BCAS3: variants seen among roughly 807,000 people sequenced by gnomAD.
BCAS3 encodes the protein BCAS3 microtubule associated cell migration factor, also known as BCAS4/BCAS3 fusion.
BCAS3 carries 53 observed loss-of-function variants against 116.1 expected under a neutral mutation model. That is an observed-to-expected ratio of 0.46 (90% CI 0.37 to 0.57). The LOEUF (loss-of-function observed/expected upper bound fraction) is 0.57, where lower values mean the gene tolerates loss of function less well. Ranked by LOEUF, BCAS3 falls within the 20% of genes least tolerant of loss-of-function variation. The pLI is 0.00. For missense variants in BCAS3, 917 were observed against 1,165.4 expected (o/e 0.79, Z 3.10); for synonymous variants, 391 against 408.2 (o/e 0.96, Z 0.51).
chr17:61,078,389 C>G lies in BCAS3; in HGVS notation c.2187C>G (p.Phe729Leu). ...GACGTCTGTGGATGGGTCCACAGTT[C>G]CAGTTCAAAACCATCCATCCCTCAG... ...PHRRLWMGPQFQFKTIHPSGQ... is the reference protein window; with the variant it reads ...PHRRLWMGPQLQFKTIHPSGQ... Residue 729 changes from phenylalanine to leucine, a missense_variant, in exon 21 of 24, where the codon TTC (phenylalanine) becomes TTG (leucine). By Grantham distance (22) the Phe-to-Leu change is conservative (BLOSUM62 0). Coordinates refer to ENST00000407086, the MANE Select transcript of BCAS3 (RefSeq NM_017679.5). 1.9e-6 allele frequency: 3 copies of G among 1,614,112 alleles called. No individual in the cohort carries two copies. The highest frequency in any genetic ancestry group is 2.2e-5 in the East Asian group (1 of 44,870).
intron 4 of BCAS3, among the ~76,000 whole-genome samples, chr17:60,708,647 C>T (rs765567866): frequency 6.6e-6 from 1 of 152,120 alleles, no homozygotes; most frequent in Non-Finnish European, 1.5e-5. Context: ...TCTTGTGCCT[C>T]AGCCTCCCCA....
At chr17:60,902,302 C>T (rs1846313160) in intron 10 of BCAS3, among the ~76,000 whole-genome samples, 2 of 152,090 alleles carry the variant, frequency 1.3e-5, no homozygotes, top group Admixed American at 1.3e-4. Context: ...CCTTTGATTA[C>T]GTTTTTAAAA....
rs1415743914 is a variant in BCAS3 at position 61,117,527 on chromosome 17, T to G, written c.2425+32963T>G. ...AGGAGAATTGCTTGAGCCCAGAGTT[T>G]GAGGCTGTAGTGAGCTATGATCACA... On this transcript the variant is annotated intron_variant, in intron 22 of 23. Transcript: ENST00000407086. Among the ~76,000 whole-genome samples the G allele has an allele frequency of 2.6e-5, 4 of 152,244 alleles. No homozygotes were observed. The East Asian group carries it at 7.7e-4, about 29-fold the overall frequency.
intron 21 of BCAS3, among the ~76,000 whole-genome samples, chr17:61,080,459 A>C (rs755162264): frequency 2.0e-5 from 3 of 151,948 alleles, no homozygotes; most frequent in African/African-American, 4.8e-5. Context: ...TTAAAGAATG[A>C]TTCAGCCAGG....
At chr17:60,958,361 T>A (rs1443142714) in intron 14 of BCAS3, among the ~76,000 whole-genome samples, 1 of 152,200 alleles carries the variant, frequency 6.6e-6, no homozygotes, top group Non-Finnish European at 1.5e-5. Flanking sequence ...ATTTTATTTT[T>A]AAAAAACTAA....
chr17:60,788,784 T>C (rs1233634548), intron 6 of BCAS3, among the ~76,000 whole-genome samples: 1 of 152,194 alleles, frequency 6.6e-6, no homozygotes, highest in African/African-American at 2.4e-5. Context: ...ATTATTCAAT[T>C]CATAATGATT....
chr17:61,128,940 G>C lies in BCAS3; in HGVS notation c.2425+44376G>C, dbSNP rs1478580179. 6.6e-6 allele frequency among the ~76,000 whole-genome samples: 1 copy of C among 152,210 alleles called. No homozygotes were observed. The highest frequency in any genetic ancestry group is 6.5e-5 in the Admixed American group (1 of 15,284). ...CCGGATGTCAGGCCTAAGGTGGAGA[G>C]GGGGACAGGGCTATATTGAGTTCTC... On this transcript the variant is annotated intron_variant, in intron 22 of 23. Transcript: ENST00000407086. This position sits in a 1 kb window ranked among gnomAD's most constrained non-coding sequence, Gnocchi z 4.1.
At chr17:61,047,471 A>T (rs1228230610) in intron 19 of BCAS3, among the ~76,000 whole-genome samples, 1 of 152,082 alleles carries the variant, frequency 6.6e-6, no homozygotes, top group Non-Finnish European at 1.5e-5. Context: ...AAAGTCAAGA[A>T]TTTATAATCC....
intron 12 of BCAS3, among the ~76,000 whole-genome samples, chr17:60,911,123 C>CTT (rs1162942971): frequency 1.1e-4 from 10 of 88,254 alleles, no homozygotes; most frequent in Admixed American, 1.8e-4. Flanking sequence ...TTTTTTCTTT[C>CTT]TTTTTTTTTT....
At chr17:60,726,510 A>ATTT (rs1157371227) in intron 5 of BCAS3, among the ~76,000 whole-genome samples, 1 of 129,640 alleles carries the variant, frequency 7.7e-6, no homozygotes, top group African/African-American at 2.9e-5. Context: ...AGAGGGAGGA[A>ATTT]TTTTTTTTTT....
rs2145504712 is a variant in BCAS3, at chr17:61,008,716, A to T, written c.1487-7035A>T. ...AAAATAAAAAATAAAAAAATAAAAA[A>T]AAAGGCCCCGTAGAACTCATCATCT... is the stretch of plus-strand genomic sequence containing the variant. On this transcript the variant is annotated intron_variant, in intron 15 of 23. Coordinates refer to ENST00000407086, the MANE Select transcript of BCAS3 (RefSeq NM_017679.5). The surrounding 1 kb of genome is among the most constrained non-coding windows in gnomAD (Gnocchi z 4.6). 6.6e-6 allele frequency among the ~76,000 whole-genome samples: 1 copy of T among 152,212 alleles called. No homozygotes were observed. Among genetic ancestry groups the T allele is most frequent in the South Asian group, 2.1e-4 (1 of 4,830 alleles).
Position 61,343,448 on chromosome 17 carries a change from C to T in BCAS3, c.2426-24879C>T, listed in dbSNP as rs927235936. Among the ~76,000 whole-genome samples, 1 of 152,210 alleles carries T rather than the reference C, an allele frequency of 6.6e-6. No individual in the cohort carries two copies. The highest frequency in any genetic ancestry group is 2.4e-5 in the African/African-American group (1 of 41,442). On this transcript the variant is annotated intron_variant, in intron 22 of 23. Transcript: ENST00000407086. This position sits in a 1 kb window ranked among gnomAD's most constrained non-coding sequence, Gnocchi z 5.5. The stretch of plus-strand genomic sequence containing the variant: ...AGCAACAGGGAGTGCATCAGAATCA[C>T]CTGATGAGCTTTTTAAAGATACAGA...
In BCAS3 at chr17:60,960,579, C is replaced by T. The variant is rs187899410; in HGVS notation, c.1221+13227C>T. 4.2e-3 allele frequency among the ~76,000 whole-genome samples: 637 copies of T among 152,250 alleles called. 4 individuals are homozygous for T. The highest frequency in any genetic ancestry group is 0.014 in the African/African-American group (589 of 41,536). ...CTTGAGGCACTGCCCTCCTGGACTGCGGCTTCATTTTCTGGGCCTGTGGCT... is the reference window on the plus strand; with the variant it reads ...CTTGAGGCACTGCCCTCCTGGACTGTGGCTTCATTTTCTGGGCCTGTGGCT... On this transcript the variant is annotated intron_variant, in intron 14 of 23. Transcript: ENST00000407086. The surrounding 1 kb of genome is among the most constrained non-coding windows in gnomAD (Gnocchi z 4.1).
intron 8 of BCAS3, among the ~76,000 whole-genome samples, chr17:60,870,593 C>A (rs900262290): frequency 6.6e-6 from 1 of 152,176 alleles, no homozygotes; most frequent in Non-Finnish European, 1.5e-5. Context: ...ACTCAGAACA[C>A]TTATCGCTCC....
At chr17:60,912,318 G>C (rs944793521) in intron 12 of BCAS3, among the ~76,000 whole-genome samples, 2 of 152,028 alleles carry the variant, frequency 1.3e-5, no homozygotes, top group African/African-American at 2.4e-5. Context: ...AACTATGTGA[G>C]CTGTTAAGGT....
chr17:60,830,459 T>C (rs1198726097), intron 7 of BCAS3, among the ~76,000 whole-genome samples: 1 of 152,208 alleles, frequency 6.6e-6, no homozygotes, highest in Non-Finnish European at 1.5e-5. Flanking sequence ...CATGAAGTCC[T>C]GAATAGTTAA....
chr17:61,284,665 C>CT (rs371131514), intron 22 of BCAS3, among the ~76,000 whole-genome samples: 12,922 of 146,290 alleles, frequency 0.088, 775 homozygotes, highest in Non-Finnish European at 0.14. Flanking sequence ...TTCCTCTACT[C>CT]TTTTTTTTTT....
chr17:61,054,836 G>A (rs1473249513), intron 19 of BCAS3, among the ~76,000 whole-genome samples: 1 of 152,086 alleles, frequency 6.6e-6, no homozygotes, highest in African/African-American at 2.4e-5. Context: ...AGATACATTT[G>A]AGAGTAAGCA....
chr17:60,929,830 T>A (rs1259180711), intron 13 of BCAS3, among the ~76,000 whole-genome samples: 1 of 151,412 alleles, frequency 6.6e-6, no homozygotes, highest in East Asian at 2.0e-4. Flanking sequence ...TTTGGTTTTT[T>A]GTCCTTGCAA....
Sources: gnomAD v4.1 joint callset for allele counts (sites outside exome capture counted in the v4.1 genomes callset) on GRCh38, gnomAD v4.1.1 for gene constraint, Gnocchi (gnomAD v3.1) non-coding constraint, MANE v1.5 for transcripts, NCBI Gene and HGNC (gene_info 2026-07-23, HGNC 2026-07-21) for gene names.